Variants in PPARGC1A observed in about 807,000 individuals in gnomAD.
The protein encoded by PPARGC1A is peroxisome proliferator-activated receptor gamma coactivator 1-alpha.
Under a neutral mutation model 88.7 loss-of-function variants are expected in PPARGC1A, and 25 were observed. That is an observed-to-expected ratio of 0.28 (90% CI 0.21 to 0.39). The LOEUF (loss-of-function observed/expected upper bound fraction) is 0.39, where lower values mean the gene tolerates loss of function less well. Among genes scored for constraint, PPARGC1A ranks in the 10% least tolerant of loss-of-function variants. The pLI is 1.00. For synonymous variants in PPARGC1A, 363 were observed against 355.6 expected (o/e 1.02, Z -0.24); for missense variants, 880 against 968.7 (o/e 0.91, Z 1.22).
At chr4:23,937,487 T>A in the PPARGC1A span, among the ~76,000 whole-genome samples, 1 of 151,316 alleles carries the variant, frequency 6.6e-6, no homozygotes, top group Non-Finnish European at 1.5e-5. Context: ...CTTTTTCTTT[T>A]CACTAGAAAA....
At chr4:23,807,994 T>C (rs1277447594) in intron 10 of PPARGC1A, among the ~76,000 whole-genome samples, 1 of 151,992 alleles carries the variant, frequency 6.6e-6, no homozygotes, top group Non-Finnish European at 1.5e-5. Context: ...CAAAAAAGAA[T>C]AACTCTGAGC....
At chr4:23,910,215 AATATATAATATATT>A in the PPARGC1A span, among the ~76,000 whole-genome samples, 1 of 106,558 alleles carries the variant, frequency 9.4e-6, no homozygotes, top group African/African-American at 3.5e-5. Flanking sequence ...ATACATATAT[AATATATAATATATT>A]ATATATAATA....
intron 2 of PPARGC1A, chr4:23,883,186 T>G (rs757862905): frequency 6.6e-6 from 1 of 152,216 alleles, no homozygotes; most frequent in Non-Finnish European, 1.5e-5. Flanking sequence ...AAAGTAGAAC[T>G]AACCACAACC....
the PPARGC1A span, among the ~76,000 whole-genome samples, chr4:24,155,714 C>T: frequency 6.3e-4 from 96 of 152,198 alleles, no homozygotes; most frequent in Non-Finnish European, 1.1e-3. Context: ...CAAGTATGAC[C>T]TAAGGTCCAG....
the PPARGC1A span, among the ~76,000 whole-genome samples, chr4:24,031,944 C>T: frequency 1.3e-5 from 2 of 152,204 alleles, no homozygotes; most frequent in Non-Finnish European, 1.5e-5. Flanking sequence ...GGGGAACTGG[C>T]TGTCCTCAGA....
the PPARGC1A span, among the ~76,000 whole-genome samples, chr4:24,347,781 C>T: frequency 2.0e-5 from 3 of 152,136 alleles, no homozygotes; most frequent in African/African-American, 7.2e-5. Context: ...ATGTGAGGTA[C>T]TGTTGCTTTC....
chr4:24,079,761 C>T, the PPARGC1A span, among the ~76,000 whole-genome samples: 2 of 151,984 alleles, frequency 1.3e-5, no homozygotes, highest in Non-Finnish European at 2.9e-5. Flanking sequence ...TAATTTGTAG[C>T]ATTTTCTCCC....
upstream of PPARGC1A, among the ~76,000 whole-genome samples, chr4:23,902,612 C>T (rs183231052): frequency 2.6e-4 from 40 of 151,850 alleles, no homozygotes; most frequent in Middle Eastern, 6.8e-3. Context: ...TAGAGCTGAC[C>T]GTACTCTAGG....
At chr4:24,387,840 G>GAA in the PPARGC1A span, among the ~76,000 whole-genome samples, 39 of 133,336 alleles carry the variant, frequency 2.9e-4, no homozygotes, top group Admixed American at 2.4e-3. Flanking sequence ...AAGAGAGAAA[G>GAA]AGAGAGAGAA....
chr4:24,227,756 T>C, the PPARGC1A span, among the ~76,000 whole-genome samples: 1 of 152,108 alleles, frequency 6.6e-6, no homozygotes, highest in Non-Finnish European at 1.5e-5. Context: ...TCCAGCATCC[T>C]CATTACCTGG....
chr4:23,839,873 A>C (rs57326494), intron 2 of PPARGC1A, among the ~76,000 whole-genome samples: 7,356 of 152,054 alleles, frequency 0.048, 213 homozygotes, highest in South Asian at 0.1. Flanking sequence ...ATTCACTATC[A>C]CGACAACAGC....
At chr4:24,055,307 A>G in the PPARGC1A span, among the ~76,000 whole-genome samples, 1 of 152,198 alleles carries the variant, frequency 6.6e-6, no homozygotes, top group Non-Finnish European at 1.5e-5. Flanking sequence ...ATGACCAGCC[A>G]TCTTCATTCA....
the PPARGC1A span, among the ~76,000 whole-genome samples, chr4:24,221,459 T>C: frequency 6.6e-6 from 1 of 152,212 alleles, no homozygotes; most frequent in Non-Finnish European, 1.5e-5. Flanking sequence ...TATCAATGTC[T>C]TTCTGACTCC....
chr4:24,015,991 G>C, the PPARGC1A span, among the ~76,000 whole-genome samples: 1 of 152,146 alleles, frequency 6.6e-6, no homozygotes, highest in African/African-American at 2.4e-5. Flanking sequence ...GATAAAGCAT[G>C]CACAAATATG....
the PPARGC1A span, among the ~76,000 whole-genome samples, chr4:24,262,188 C>T: frequency 6.6e-6 from 1 of 152,134 alleles, no homozygotes; most frequent in East Asian, 1.9e-4. Flanking sequence ...CTTCTGGGCC[C>T]GTGGTAATCC....
the PPARGC1A span, among the ~76,000 whole-genome samples, chr4:23,950,653 G>A: frequency 2.0e-5 from 3 of 152,100 alleles, no homozygotes; most frequent in African/African-American, 7.2e-5. Context: ...CACCTCAAGA[G>A]TGGATGTAAG....
At chr4:23,865,863 T>C (rs550131225) in intron 2 of PPARGC1A, among the ~76,000 whole-genome samples, 1 of 152,278 alleles carries the variant, frequency 6.6e-6, no homozygotes, top group East Asian at 1.9e-4. Context: ...TGGTTTCTGA[T>C]GAAATGAGTG....
chr4:24,194,867 AT>A, the PPARGC1A span, among the ~76,000 whole-genome samples: 1 of 152,086 alleles, frequency 6.6e-6, no homozygotes, highest in African/African-American at 2.4e-5. Flanking sequence ...ACCAACCAAA[AT>A]CTTTTCCAGC....
At chr4:23,848,642 C>T (rs1728725372) in intron 2 of PPARGC1A, among the ~76,000 whole-genome samples, 1 of 152,134 alleles carries the variant, frequency 6.6e-6, no homozygotes, top group African/African-American at 2.4e-5. Flanking sequence ...CTCAATTTGT[C>T]CCCGGAAGAG....
Sources: allele counts gnomAD v4.1 joint callset (sites outside exome capture counted in the v4.1 genomes callset), GRCh38; gene constraint gnomAD v4.1.1; transcripts MANE v1.5; gene names NCBI Gene and HGNC (gene_info 2026-07-23, HGNC 2026-07-21).